Variants in PAM observed in about 807,000 individuals in gnomAD.
PAM encodes the protein peptidyl-glycine alpha-amidating monooxygenase.
Under a neutral mutation model 122.1 loss-of-function variants are expected in PAM, and 72 were observed. The observed-to-expected ratio is 0.59, with a 90% confidence interval of 0.49 to 0.72. The LOEUF (loss-of-function observed/expected upper bound fraction) is 0.72, where lower values mean the gene tolerates loss of function less well. Ranked by LOEUF, PAM falls within the 30% of genes least tolerant of loss-of-function variation. The pLI, the probability that PAM is intolerant of heterozygous loss-of-function variation, is 0.00. For synonymous variants in PAM, 389 were observed against 404.4 expected (o/e 0.96, Z 0.46); for missense variants, 1,106 against 1,183.7 (o/e 0.93, Z 0.96).
intron 15 of PAM, among the ~76,000 whole-genome samples, chr5:102,984,843 T>C (rs1771213538): frequency 6.6e-6 from 1 of 151,960 alleles, no homozygotes; most frequent in African/African-American, 2.4e-5. Context: ...ATAAAACAAG[T>C]CTCAACAAAA....
intron 7 of PAM, among the ~76,000 whole-genome samples, chr5:102,941,744 A>G (rs1195607730): frequency 6.8e-6 from 1 of 146,244 alleles, no homozygotes; most frequent in African/African-American, 2.5e-5. Flanking sequence ...AAACTTTAAT[A>G]TATGAATTTT....
intron 5 of PAM, among the ~76,000 whole-genome samples, 190 bp downstream of exon 5, chr5:102,914,211 C>T (rs1802428671): frequency 6.6e-6 from 1 of 152,020 alleles, no homozygotes; most frequent in African/African-American, 2.4e-5. Context: ...TAGAGCATAT[C>T]TATCAGCCTT....
chr5:102,949,388 C>G (rs1442322786), intron 9 of PAM, 149 bp from the exon 10 acceptor site: 11 of 631,640 alleles, frequency 1.7e-5, no homozygotes, highest in Non-Finnish European at 3.1e-5. Context: ...GTGGCTGGCA[C>G]AGAATAAGTG....
chr5:102,922,754 A>G (rs1747891587), intron 5 of PAM, among the ~76,000 whole-genome samples: 1 of 152,206 alleles, frequency 6.6e-6, no homozygotes, highest in African/African-American at 2.4e-5. Context: ...TGTAATGTTT[A>G]TGATCTTTGT....
At chr5:102,907,463 T>C (rs1230238425) in intron 4 of PAM, among the ~76,000 whole-genome samples, 2 of 151,372 alleles carry the variant, frequency 1.3e-5, no homozygotes, top group Admixed American at 6.6e-5. Flanking sequence ...GCAGCATGAT[T>C]TATAGTCCTT....
rs1759412020 is a variant in PAM at position 102,952,912 on chromosome 5, C to G, written c.905+2092C>G. The stretch of plus-strand genomic sequence containing the variant: ...TACAAACACACATTCCCACAGGACA[C>G]AGATTTGAGCCCCGAGCGTGAAGCA... On this transcript the variant is annotated intron_variant, in intron 12 of 25. Coordinates refer to ENST00000438793, the MANE Select transcript of PAM (RefSeq NM_001177306.2). Among the ~76,000 whole-genome samples, 3 of 152,122 alleles carry G rather than the reference C, an allele frequency of 2.0e-5. No individual in the cohort carries two copies. In the South Asian group the frequency reaches 6.2e-4, roughly 32 times the overall value.
chr5:102,931,595 A>G (rs1180427583), intron 7 of PAM, among the ~76,000 whole-genome samples: 1 of 152,180 alleles, frequency 6.6e-6, no homozygotes, highest in Non-Finnish European at 1.5e-5. Context: ...CTAGTCTCCA[A>G]CAATAACTCA....
chr5:102,906,159 G>A (rs1166867544), intron 4 of PAM, among the ~76,000 whole-genome samples: 1 of 151,678 alleles, frequency 6.6e-6, no homozygotes, highest in Non-Finnish European at 1.5e-5. Flanking sequence ...AACAGTGAGA[G>A]ATGAATAGGA....
rs189000047 is a variant in PAM, at chr5:102,787,726, T to C, written c.-374+32378T>C. On this transcript the variant is annotated intron_variant, in intron 1 of 25. Transcript: ENST00000438793. ...TAGTTCCTTCAGAGTTACGAATCCC[T>C]TGGTGAGTGAATGGAAAATCCAACC... is the stretch of plus-strand genomic sequence containing the variant. Among the ~76,000 whole-genome samples, 328 of 152,136 alleles carry C rather than the reference T, an allele frequency of 2.2e-3. 1 individual carries two copies. Among genetic ancestry groups the C allele is most frequent in the African/African-American group, 7.4e-3 (307 of 41,528 alleles).
At chr5:102,926,769 C>A in intron 7 of PAM, 101 bp downstream of exon 7, 1 of 660,670 alleles carries the variant, frequency 1.5e-6, no homozygotes, top group South Asian at 2.0e-5. Context: ...ATTGCCCACA[C>A]CCTCTGCCCA....
At chr5:102,762,554 C>G (rs563136018) in intron 1 of PAM, among the ~76,000 whole-genome samples, 2 of 151,906 alleles carry the variant, frequency 1.3e-5, no homozygotes, top group South Asian at 2.1e-4. Context: ...AATGCTACAT[C>G]TTATTTTAAA....
intron 1 of PAM, among the ~76,000 whole-genome samples, chr5:102,836,219 TCTA>T (rs1178518227): frequency 6.6e-5 from 10 of 152,170 alleles, no homozygotes; most frequent in Admixed American, 1.3e-4. Flanking sequence ...TGTTGAAAAA[TCTA>T]CTTATTTGAA....
intron 1 of PAM, among the ~76,000 whole-genome samples, chr5:102,791,003 A>G (rs914060585): frequency 1.3e-5 from 2 of 152,134 alleles, no homozygotes; most frequent in African/African-American, 4.8e-5. Flanking sequence ...TAAAATTAAG[A>G]TAACTGAGCA....
At position 102,961,225 on chromosome 5, in the gene PAM, C is replaced by A; in HGVS notation, c.1158C>A (p.Asp386Glu). 2 of 1,536,894 alleles carry A rather than the reference C, an allele frequency of 1.3e-6. No homozygotes were observed. The highest frequency in any genetic ancestry group is 9.0e-7 in the Non-Finnish European group (1 of 1,110,772). The change falls in exon 14 of 26, where the codon GAC becomes GAA. Residue 386 changes from aspartate to glutamate, a missense_variant. By Grantham distance (45) the Asp-to-Glu change is conservative. Transcript: ENST00000438793. ...AACGAGAAGAAGAAGAAGTGTTAGA[C>A]CAGGGTATGTATGCTTATTTCTATA... ...QPKREEEEVL[D>E]QGDFYSLLSK...
chr5:102,802,148 C>G (rs983955252), intron 1 of PAM, among the ~76,000 whole-genome samples: 1 of 152,146 alleles, frequency 6.6e-6, no homozygotes, highest in Non-Finnish European at 1.5e-5. Flanking sequence ...AAACTAGCTT[C>G]TTTAGAAAAA....
chr5:102,796,273 G>A (rs1255483163), intron 1 of PAM, among the ~76,000 whole-genome samples: 1 of 152,142 alleles, frequency 6.6e-6, no homozygotes, highest in African/African-American at 2.4e-5. Flanking sequence ...TGCAATCCAT[G>A]TTAGGAACCA....
intron 4 of PAM, among the ~76,000 whole-genome samples, chr5:102,901,762 C>T (rs182636913): frequency 5.3e-5 from 8 of 151,474 alleles, no homozygotes; most frequent in Admixed American, 4.6e-4. Flanking sequence ...CTGGTTCATG[C>T]TATAAATCGA....
intron 1 of PAM, among the ~76,000 whole-genome samples, chr5:102,779,577 C>T (rs1211707914): frequency 3.3e-5 from 5 of 151,832 alleles, no homozygotes; most frequent in Admixed American, 1.3e-4. Flanking sequence ...GAGGGTGTTG[C>T]CAAAGGAGAT....
At chr5:102,900,178 A>T (rs910154287) in intron 3 of PAM, among the ~76,000 whole-genome samples, 2 of 137,420 alleles carry the variant, frequency 1.5e-5, no homozygotes, top group Non-Finnish European at 3.0e-5. Flanking sequence ...GGGTGATAGG[A>T]TCACATGAGG....
Sources: gnomAD v4.1 joint callset for allele counts (sites outside exome capture counted in the v4.1 genomes callset) on GRCh38, gnomAD v4.1.1 for gene constraint, MANE v1.5 for transcripts, NCBI Gene and HGNC (gene_info 2026-07-23, HGNC 2026-07-21) for gene names.